Variants in GRB10 observed in about 807,000 individuals in gnomAD.
GRB10 encodes the protein growth factor receptor-bound protein 10.
A neutral mutation model predicts 80.9 loss-of-function variants in GRB10; 20 were observed. That is an observed-to-expected ratio of 0.25 (90% CI 0.17 to 0.36). The LOEUF (loss-of-function observed/expected upper bound fraction) is 0.36. GRB10 is among the 10% of genes least tolerant of loss of function. The pLI is 1.00. For missense variants in GRB10, 548 were observed against 747.7 expected (o/e 0.73, Z 3.12); for synonymous variants, 291 against 291.5 (o/e 1.00, Z 0.02).
intron 17 of GRB10, among the ~76,000 whole-genome samples, chr7:50,598,953 AG>A (rs139499262): frequency 1.6e-5 from 2 of 122,050 alleles, no homozygotes; most frequent in South Asian, 4.9e-4. Flanking sequence ...TGGGCATGGC[AG>A]GGGGGGCATC....
At chr7:50,669,233 GT>G (rs1315426974) in intron 7 of GRB10, among the ~76,000 whole-genome samples, 5 of 152,190 alleles carry the variant, frequency 3.3e-5, no homozygotes. Context: ...ATGAAAAGAG[GT>G]TTAATTGGTT....
intron 7 of GRB10, among the ~76,000 whole-genome samples, chr7:50,627,719 T>G (rs1415053292): frequency 3.3e-5 from 5 of 152,144 alleles, no homozygotes; most frequent in Admixed American, 6.5e-5. Context: ...CCTGCAGCAA[T>G]GCACCCTTCC....
chr7:50,679,494 G>T (rs894194924), intron 5 of GRB10, among the ~76,000 whole-genome samples: 4 of 152,140 alleles, frequency 2.6e-5, no homozygotes, highest in African/African-American at 9.7e-5. Flanking sequence ...GATGACACTG[G>T]ATTCACTTTA....
chr7:50,731,025 G>C lies in GRB10; in HGVS notation c.51+1247C>G, dbSNP rs139951987. Among the ~76,000 whole-genome samples, 6 of 152,298 alleles carry C rather than the reference G, an allele frequency of 3.9e-5. No individual in the cohort carries two copies. The East Asian group carries it at 1.2e-3, about 29-fold the overall frequency. On this transcript the variant is annotated intron_variant, in intron 4 of 18. Coordinates refer to ENST00000401949, the MANE Select transcript of GRB10 (RefSeq NM_001350814.2). ...AACTGGCCACACGAGAACTGGACTTGTGACCTGTGGGTGCAGCACAGAGCT... is the reference window on the plus strand; with the variant it reads ...AACTGGCCACACGAGAACTGGACTTCTGACCTGTGGGTGCAGCACAGAGCT...
chr7:50,650,860 T>A (rs542887879), intron 7 of GRB10, among the ~76,000 whole-genome samples: 1 of 127,088 alleles, frequency 7.9e-6, no homozygotes, highest in South Asian at 2.6e-4. Flanking sequence ...AGAAAAAAAA[T>A]CAAGGGATAG....
intron 7 of GRB10, among the ~76,000 whole-genome samples, chr7:50,669,090 T>C (rs2060098150): frequency 6.6e-6 from 1 of 152,256 alleles, no homozygotes; most frequent in South Asian, 2.1e-4. Context: ...TTTTCACACC[T>C]ATTATTGAGC....
At chr7:50,732,175 G>T in intron 4 of GRB10, 97 bp downstream of exon 4, 1 of 1,258,068 alleles carries the variant, frequency 7.9e-7, no homozygotes, top group Non-Finnish European at 1.2e-6. Flanking sequence ...AGTGACCTGA[G>T]AGCTACAGAA....
At position 50,680,886 on chromosome 7, in the gene GRB10, G is replaced by T. The variant is rs1252159250; in HGVS notation, c.140-6228C>A. Among the ~76,000 whole-genome samples the T allele has an allele frequency of 5.3e-5, 8 of 152,108 alleles. No homozygotes were observed. In the South Asian group the frequency reaches 1.7e-3, roughly 32 times the overall value. On this transcript the variant is annotated intron_variant, in intron 5 of 18. Coordinates refer to ENST00000401949, the MANE Select transcript of GRB10 (RefSeq NM_001350814.2). The stretch of plus-strand genomic sequence containing the variant: ...TAATCCTATATCCAATTCCCTGAGG[G>T]CAGGGGCATTGTCTTCTGCTACCTT...
intron 7 of GRB10, among the ~76,000 whole-genome samples, chr7:50,645,830 C>T (rs988985140): frequency 5.9e-5 from 9 of 152,258 alleles, no homozygotes; most frequent in Admixed American, 1.3e-4. Flanking sequence ...CCCAGTGGTG[C>T]GAGGCCCTAG....
At chr7:50,696,174 C>T (rs796708245) in intron 5 of GRB10, among the ~76,000 whole-genome samples, 7 of 152,272 alleles carry the variant, frequency 4.6e-5, no homozygotes, top group African/African-American at 1.7e-4. Flanking sequence ...CATGCACACA[C>T]ATGCACACGT....
At chr7:50,676,255 C>T (rs764178446) in intron 5 of GRB10, among the ~76,000 whole-genome samples, 52 of 150,156 alleles carry the variant, frequency 3.5e-4, no homozygotes, top group Non-Finnish European at 4.1e-4. Flanking sequence ...TAGCTCTGGG[C>T]CCAGGGCCCA....
intron 10 of GRB10, among the ~76,000 whole-genome samples, chr7:50,617,460 C>T (rs1228819602): frequency 2.0e-5 from 3 of 152,180 alleles, no homozygotes; most frequent in Non-Finnish European, 4.4e-5. Context: ...TTCCCCACTC[C>T]CAGCTTCCCC....
At chr7:50,621,170 A>G (rs780152018) in intron 8 of GRB10, among the ~76,000 whole-genome samples, 29 of 152,202 alleles carry the variant, frequency 1.9e-4, no homozygotes, top group Non-Finnish European at 3.5e-4. Flanking sequence ...CTTGTGGACA[A>G]TACTTTCCTG....
rs372305859 is a variant in GRB10, at chr7:50,661,607, G to A, written c.504+8115C>T. Reference sequence around the variant, plus strand: ...TCTAGGGTGCCCCTGGGGACACCCCGCCCTCTTGTCTCAGCACCTCTGCAC... The same window carrying A: ...TCTAGGGTGCCCCTGGGGACACCCCACCCTCTTGTCTCAGCACCTCTGCAC... On this transcript the variant is annotated intron_variant, in intron 7 of 18. Coordinates refer to ENST00000401949, the MANE Select transcript of GRB10 (RefSeq NM_001350814.2). Among the ~76,000 whole-genome samples, 74 of 152,242 alleles carry A rather than the reference G, an allele frequency of 4.9e-4. 1 individual carries two copies. Among genetic ancestry groups the A allele is most frequent in the Admixed American group, 2.2e-3 (33 of 15,300 alleles).
At chr7:50,773,726 T>C (rs1476838079) in intron 2 of GRB10, among the ~76,000 whole-genome samples, 1 of 152,166 alleles carries the variant, frequency 6.6e-6, no homozygotes, top group Admixed American at 6.5e-5. Flanking sequence ...AAGCAAGTAC[T>C]CAAAGATAGT....
At chr7:50,611,113 A>G (rs2049442657) in intron 13 of GRB10, among the ~76,000 whole-genome samples, 1 of 151,928 alleles carries the variant, frequency 6.6e-6, no homozygotes, top group South Asian at 2.1e-4. Context: ...TGCCTCTCCC[A>G]TCTCCTCTCC....
chr7:50,682,744 AT>A (rs1375723114), intron 5 of GRB10, among the ~76,000 whole-genome samples: 2 of 152,190 alleles, frequency 1.3e-5, no homozygotes, highest in African/African-American at 4.8e-5. Context: ...AAGGAATGAG[AT>A]TTCATGACAG....
At chr7:50,651,450 A>G (rs1256845341) in intron 7 of GRB10, among the ~76,000 whole-genome samples, 5 of 152,194 alleles carry the variant, frequency 3.3e-5, no homozygotes, top group Non-Finnish European at 7.3e-5. Flanking sequence ...ATTTGTGTCC[A>G]AATTTCCCCT....
At chr7:50,635,072 C>T (rs1302335650) in intron 7 of GRB10, among the ~76,000 whole-genome samples, 1 of 131,624 alleles carries the variant, frequency 7.6e-6, no homozygotes. Context: ...TACCCAGCAC[C>T]TGCAGAATAT....
Sources: allele counts gnomAD v4.1 joint callset (sites outside exome capture counted in the v4.1 genomes callset), GRCh38; gene constraint gnomAD v4.1.1; transcripts MANE v1.5; gene names NCBI Gene and HGNC (gene_info 2026-07-23, HGNC 2026-07-21).